Variants in MPPED2 observed in about 807,000 individuals in gnomAD.
MPPED2 encodes metallophosphoesterase MPPED2.
MPPED2 carries 5 observed loss-of-function variants against 33.0 expected under a neutral mutation model. The observed-to-expected ratio is 0.15, with a 90% CI of 0.08 to 0.32. MPPED2 has a LOEUF of 0.32. Ranked by LOEUF, MPPED2 falls within the 10% of genes least tolerant of loss-of-function variation. MPPED2 has a pLI of 1.00. For synonymous variants in MPPED2, 136 were observed against 141.9 expected, an observed-to-expected ratio of 0.96 and a Z score of 0.29; for missense variants, 275 against 372.1, an observed-to-expected ratio of 0.74 and a Z score of 2.15.
intron 4 of MPPED2, among the ~76,000 whole-genome samples, chr11:30,421,135 G>A (rs754111609): frequency 3.3e-5 from 5 of 152,176 alleles, no homozygotes; most frequent in Non-Finnish European, 7.3e-5. Flanking sequence ...TGCTGTCAGC[G>A]AGGATAGTGA....
At position 30,417,619 on chromosome 11, in the gene MPPED2, T is replaced by C; in HGVS notation, c.551A>G (p.Asn184Ser). 4 of 1,611,686 alleles carry C rather than the reference T, an allele frequency of 2.5e-6. No individual in the cohort carries two copies. The highest frequency in any genetic ancestry group is 3.4e-6 in the Non-Finnish European group (4 of 1,178,122). The change falls in exon 5 of 7, where the codon AAT (asparagine) becomes AGT (serine). Residue 184 changes from asparagine (N) to serine (S), a missense_variant. Coordinates refer to ENST00000358117, the MANE Select transcript of MPPED2 (RefSeq NM_001584.3). ...IYGAPWTPWF[N>S]GWGFNLPRGQ... The stretch of plus-strand genomic sequence containing the variant: ...TCTGGGTAGGTTAAAGCCCCATCCA[T>C]TAAACCACGGGGTCCTTTGGGGGAG...
intron 3 of MPPED2, among the ~76,000 whole-genome samples, chr11:30,519,578 T>C (rs1953738296): frequency 6.6e-6 from 1 of 152,034 alleles, no homozygotes; most frequent in African/African-American, 2.4e-5. Context: ...TATATGTGTC[T>C]ATATATACAC....
intron 4 of MPPED2, among the ~76,000 whole-genome samples, chr11:30,427,002 CACAGGACGAACAGG>C (rs1208904466): frequency 3.4e-4 from 52 of 152,296 alleles, no homozygotes; most frequent in African/African-American, 1.1e-3. Flanking sequence ...GGCTCCAGAG[CACAGGACGAACAGG>C]ACAGGGGAGG....
chr11:30,486,137 T>C (rs1951732698), intron 4 of MPPED2, among the ~76,000 whole-genome samples: 2 of 152,156 alleles, frequency 1.3e-5, no homozygotes, highest in African/African-American at 4.8e-5. Context: ...CCAGTGTGGT[T>C]ACCTAAACTA....
chr11:30,481,363 A>G (rs557138151), intron 4 of MPPED2, among the ~76,000 whole-genome samples: 114 of 152,212 alleles, frequency 7.5e-4, no homozygotes, highest in South Asian at 1.2e-3. Context: ...TTCAAACAGT[A>G]TTTTCCTTCT....
intron 1 of MPPED2, among the ~76,000 whole-genome samples, chr11:30,581,425 G>T (rs968401906): frequency 6.6e-6 from 1 of 152,298 alleles, no homozygotes; most frequent in Non-Finnish European, 1.5e-5. Context: ...CAAAGGCTGA[G>T]GGAAGCAAAT....
chr11:30,509,160 T>C (rs1206164765), intron 3 of MPPED2, among the ~76,000 whole-genome samples: 1 of 152,164 alleles, frequency 6.6e-6, no homozygotes, highest in African/African-American at 2.4e-5. Context: ...AAATCTGATT[T>C]TTAAAATCTG....
intron 6 of MPPED2, among the ~76,000 whole-genome samples, chr11:30,390,458 T>C (rs1947757434): frequency 6.6e-6 from 1 of 152,202 alleles, no homozygotes; most frequent in Non-Finnish European, 1.5e-5. Context: ...TTGGCCAAAG[T>C]ATAAAAAAGC....
chr11:30,542,213 T>G (rs1361358227), intron 2 of MPPED2, among the ~76,000 whole-genome samples: 1 of 152,190 alleles, frequency 6.6e-6, no homozygotes, highest in East Asian at 1.9e-4. Flanking sequence ...GTTAGATGCT[T>G]AATAGTTTTT....
chr11:30,420,719 G>A (rs148022422), intron 4 of MPPED2, among the ~76,000 whole-genome samples: 1 of 152,102 alleles, frequency 6.6e-6, no homozygotes, highest in Non-Finnish European at 1.5e-5. Context: ...TTGGAGGCCT[G>A]GGGATAATGC....
chr11:30,563,729 G>A (rs1956327386), intron 2 of MPPED2, among the ~76,000 whole-genome samples: 1 of 152,192 alleles, frequency 6.6e-6, no homozygotes, highest in Non-Finnish European at 1.5e-5. Context: ...AATACATATT[G>A]AAGACTGTTT....
At chr11:30,447,610 C>T (rs758389722) in intron 4 of MPPED2, among the ~76,000 whole-genome samples, 1 of 152,104 alleles carries the variant, frequency 6.6e-6, no homozygotes, top group South Asian at 2.1e-4. Context: ...AGCCAGCACT[C>T]GCTGGATATT....
chr11:30,483,433 G>C (rs1951581864), intron 4 of MPPED2, among the ~76,000 whole-genome samples: 1 of 152,090 alleles, frequency 6.6e-6, no homozygotes, highest in Admixed American at 6.6e-5. Flanking sequence ...AACCCTATGA[G>C]TTTTTAAAAC....
chr11:30,468,078 C>T (rs1950789535), intron 4 of MPPED2, among the ~76,000 whole-genome samples: 1 of 152,156 alleles, frequency 6.6e-6, no homozygotes, highest in African/African-American at 2.4e-5. Flanking sequence ...TCCTCATGTA[C>T]TAGAGTCATG....
intron 4 of MPPED2, among the ~76,000 whole-genome samples, chr11:30,483,567 T>C (rs1411895160): frequency 6.6e-6 from 1 of 152,182 alleles, no homozygotes; most frequent in Non-Finnish European, 1.5e-5. Context: ...TAATTTCTGA[T>C]TAGGTTTTAG....
At chr11:30,446,954 C>A (rs1343131091) in intron 4 of MPPED2, among the ~76,000 whole-genome samples, 1 of 152,172 alleles carries the variant, frequency 6.6e-6, no homozygotes, top group Non-Finnish European at 1.5e-5. Context: ...AGAGGCAAAG[C>A]AACCACAAAG....
At chr11:30,478,445 A>C (rs1334038126) in intron 4 of MPPED2, among the ~76,000 whole-genome samples, 1 of 152,138 alleles carries the variant, frequency 6.6e-6, no homozygotes, top group African/African-American at 2.4e-5. Context: ...CACATAGATA[A>C]ACACAAATTA....
intron 3 of MPPED2, 120 bp downstream of exon 3, chr11:30,535,874 G>T (rs530724219): frequency 2.8e-6 from 2 of 718,874 alleles, no homozygotes; most frequent in Non-Finnish European, 4.4e-6. Flanking sequence ...AGACACCACC[G>T]CATATCATAC....
At chr11:30,508,859 T>C (rs1405217144) in intron 3 of MPPED2, among the ~76,000 whole-genome samples, 1 of 152,182 alleles carries the variant, frequency 6.6e-6, no homozygotes, top group Admixed American at 6.5e-5. Flanking sequence ...AATGAGGATT[T>C]GTCTAACGAG....
Sources: allele counts gnomAD v4.1 joint callset (sites outside exome capture counted in the v4.1 genomes callset), GRCh38; gene constraint gnomAD v4.1.1; transcripts MANE v1.5; gene names NCBI Gene and HGNC (gene_info 2026-07-23, HGNC 2026-07-21).